The following ITGAL variants were observed in gnomAD, a reference collection of about 807,000 sequenced individuals.
ITGAL encodes the protein integrin alpha-L.
A neutral mutation model predicts 138.4 loss-of-function variants in ITGAL; 68 were observed. The observed-to-expected ratio is 0.49, with a 90% CI of 0.40 to 0.60. The LOEUF is 0.60. Among genes scored for constraint, ITGAL ranks in the 20% least tolerant of loss-of-function variants. ITGAL has a pLI of 0.00. For synonymous variants in ITGAL, 561 were observed against 584.3 expected, an observed-to-expected ratio of 0.96 and a Z score of 0.57; for missense variants, 1,256 against 1,478.6, an observed-to-expected ratio of 0.85 and a Z score of 2.47.
At chr16:30,484,562 C>T (rs1193548301) in intron 9 of ITGAL, among the ~76,000 whole-genome samples, 2 of 150,418 alleles carry the variant, frequency 1.3e-5, no homozygotes, top group South Asian at 2.1e-4. Flanking sequence ...GAGCCAAGAT[C>T]GCACCACACT....
intron 18 of ITGAL, 64 bp downstream of exon 18, chr16:30,504,328 C>A: frequency 8.0e-7 from 1 of 1,254,152 alleles, no homozygotes; most frequent in Non-Finnish European, 1.2e-6. Context: ...CAAGAAGAGC[C>A]GCCCATGGCC....
At chr16:30,492,619 C>G (rs1485894828) in intron 11 of ITGAL, among the ~76,000 whole-genome samples, 1 of 148,584 alleles carries the variant, frequency 6.7e-6, no homozygotes, top group Non-Finnish European at 1.5e-5. Flanking sequence ...TGCAGAGGCG[C>G]TATCTCAGCT....
chr16:30,518,559 G>A, intron 28 of ITGAL, 65 bp from the exon 29 acceptor site: 5 of 1,126,776 alleles, frequency 4.4e-6, no homozygotes, highest in South Asian at 1.2e-5. Flanking sequence ...GTTGTGGTGG[G>A]GGCAAAAGCC....
intron 4 of ITGAL, among the ~76,000 whole-genome samples, chr16:30,478,448 C>T (rs1173495913): frequency 1.3e-5 from 2 of 151,580 alleles, no homozygotes; most frequent in Non-Finnish European, 2.9e-5. Context: ...CCTGTAATCC[C>T]AGCACTTTGG....
At chr16:30,476,735 C>T (rs1237394176) in intron 4 of ITGAL, among the ~76,000 whole-genome samples, 2 of 150,984 alleles carry the variant, frequency 1.3e-5, no homozygotes, top group Non-Finnish European at 2.9e-5. Flanking sequence ...TGAGTTCAAA[C>T]GATTCTCCTG....
chr16:30,474,464 G>A (rs1597058520), intron 2 of ITGAL, 166 bp downstream of exon 2: 1 of 604,762 alleles, frequency 1.7e-6, no homozygotes, highest in Non-Finnish European at 3.0e-6. Context: ...AGACAGGAGT[G>A]AGGGATCAAA....
At chr16:30,499,734 T>TATATATATATATATATATA in intron 17 of ITGAL, among the ~76,000 whole-genome samples, 1 of 76,624 alleles carries the variant, frequency 1.3e-5, no homozygotes, top group South Asian at 9.7e-4. Flanking sequence ...TATATATATA[T>TATATATATATATATATATA]TTTTTTTTTT....
chr16:30,519,795 T>C, intron 29 of ITGAL, 62 bp from the exon 30 acceptor site: 1 of 1,084,538 alleles, frequency 9.2e-7, no homozygotes, highest in Middle Eastern at 2.0e-4. Context: ...TGGAACCAGG[T>C]TCACAGGGAC....
At chr16:30,500,179 G>C (rs959239738) in intron 17 of ITGAL, among the ~76,000 whole-genome samples, 1 of 151,142 alleles carries the variant, frequency 6.6e-6, no homozygotes, top group Non-Finnish European at 1.5e-5. Context: ...TCTGCCTCCC[G>C]GGTTCAAGCG....
Position 30,494,172 on chromosome 16 carries a change from TC to T in ITGAL, c.1214-38del, listed in dbSNP as rs1280051836. 6.6e-7 allele frequency: 1 copy of T among 1,519,646 alleles called. No homozygotes were observed. Among genetic ancestry groups the T allele is most frequent in the South Asian group, 1.3e-5 (1 of 79,328 alleles). 94.1% of individuals were successfully genotyped at this position (1,519,646 alleles called of 1,614,324 possible). ...TCTCCTGCTGGGTGTTCTTCCAGCA[TC>T]CTGTGTTCCTAACTCCACACCCCAC... is the stretch of plus-strand genomic sequence containing the variant. On this transcript the variant is annotated intron_variant, in intron 11 of 30. Transcript: ENST00000356798. The surrounding 1 kb of genome is among the most constrained non-coding windows in gnomAD (Gnocchi z 4.2).
At chr16:30,479,537 T>C (rs1000015257) in intron 6 of ITGAL, 76 bp downstream of exon 6, 1 of 1,427,034 alleles carries the variant, frequency 7.0e-7, no homozygotes, top group African/African-American at 1.4e-5. Flanking sequence ...TGAAAGGAAA[T>C]GTTAGTATGT....
At position 30,475,366 on chromosome 16, in the gene ITGAL, G is replaced by A. The variant is rs557952088; in HGVS notation, c.225G>A (p.Ser75=). 2.0e-5 allele frequency: 32 copies of A among 1,613,910 alleles called. No individual in the cohort carries two copies. The highest frequency in any genetic ancestry group is 1.6e-4 in the South Asian group (15 of 91,078). ...NSTGSLYQCQ[S]GTGHCLPVTL... is the part of the protein sequence containing the mutation. The stretch of plus-strand genomic sequence containing the variant: ...CAGGAAGCCTCTATCAGTGCCAGTC[G>A]GGCACAGGACACTGCCTGCCAGTCA... The change falls in exon 3 of 31, where the codon TCG becomes TCA. Residue 75 remains serine (S), a synonymous_variant. Transcript: ENST00000356798.
chr16:30,495,425 CT>C (rs1429952015), intron 13 of ITGAL, among the ~76,000 whole-genome samples: 2 of 152,184 alleles, frequency 1.3e-5, no homozygotes, highest in East Asian at 3.9e-4. Context: ...TCCCAAAATG[CT>C]GGGATTACAG....
intron 11 of ITGAL, among the ~76,000 whole-genome samples, chr16:30,492,114 C>G (rs1466863781): frequency 1.3e-5 from 2 of 152,134 alleles, no homozygotes; most frequent in Non-Finnish European, 2.9e-5. Context: ...GCTCTTGGCT[C>G]TAGCCCAATC....
chr16:30,473,753 C>T (rs2050425880), intron 1 of ITGAL, among the ~76,000 whole-genome samples: 1 of 152,034 alleles, frequency 6.6e-6, no homozygotes, highest in Admixed American at 6.6e-5. Flanking sequence ...GGAGGCAGCC[C>T]CCCAGGGATC....
At chr16:30,489,432 A>C in intron 11 of ITGAL, 46 bp downstream of exon 11, 1 of 1,600,036 alleles carries the variant, frequency 6.2e-7, no homozygotes, top group Non-Finnish European at 8.6e-7. Flanking sequence ...TGTTGAGGTC[A>C]GATGGTCGCT....
intron 9 of ITGAL, among the ~76,000 whole-genome samples, chr16:30,487,864 T>G (rs1182396019): frequency 1.3e-5 from 2 of 151,908 alleles, no homozygotes; most frequent in African/African-American, 2.4e-5. Flanking sequence ...ATTACAGGCA[T>G]GTCCCACCAT....
In ITGAL at chr16:30,521,702, A is replaced by C; in HGVS notation, c.*37A>C. On this transcript the variant is annotated 3_prime_UTR_variant, in exon 31 of 31. Transcript: ENST00000356798. ...TGAGGTGCAGAGTGCCCAGAACTGGACTCAGGATGCCCAGGGCCACTCTGC... is the reference window on the plus strand; with the variant it reads ...TGAGGTGCAGAGTGCCCAGAACTGGCCTCAGGATGCCCAGGGCCACTCTGC... 6.3e-7 allele frequency: 1 copy of C among 1,594,870 alleles called. No homozygotes were observed. The highest frequency in any genetic ancestry group is 8.6e-7 in the Non-Finnish European group (1 of 1,168,374).
At chr16:30,517,197 A>C in intron 26 of ITGAL, 111 bp downstream of exon 26, 2 of 704,714 alleles carry the variant, frequency 2.8e-6, no homozygotes, top group Non-Finnish European at 4.9e-6. Context: ...TGCCTCCCAA[A>C]TCCCAGCACT....
Sources: gnomAD v4.1 joint callset for allele counts (sites outside exome capture counted in the v4.1 genomes callset) on GRCh38, gnomAD v4.1.1 for gene constraint, Gnocchi (gnomAD v3.1) non-coding constraint, MANE v1.5 for transcripts, NCBI Gene and HGNC (gene_info 2026-07-23, HGNC 2026-07-21) for gene names.